Variants in GABRB1 observed in about 807,000 individuals in gnomAD.
GABRB1 encodes the protein gamma-aminobutyric acid receptor subunit beta-1.
A neutral mutation model predicts 51.6 loss-of-function variants in GABRB1; 17 were observed. That is an observed-to-expected ratio of 0.33 (90% CI 0.23 to 0.49). GABRB1 has a LOEUF of 0.49. GABRB1 is among the 20% of genes least tolerant of loss of function. GABRB1 has a pLI of 0.99. For missense variants in GABRB1, 410 were observed against 600.6 expected (o/e 0.68, Z 3.32); for synonymous variants, 247 against 218.9 (o/e 1.13, Z -1.14).
At chr4:47,205,740 A>G (rs1720091722) in intron 4 of GABRB1, among the ~76,000 whole-genome samples, 1 of 151,966 alleles carries the variant, frequency 6.6e-6, no homozygotes, top group Non-Finnish European at 1.5e-5. Context: ...CTGAGTCAAG[A>G]AAGAGCTTCT....
At chr4:47,036,693 G>A (rs1238357487) in intron 3 of GABRB1, among the ~76,000 whole-genome samples, 2 of 151,916 alleles carry the variant, frequency 1.3e-5, no homozygotes, top group Non-Finnish European at 2.9e-5. Context: ...GAAACCCCAT[G>A]TCTACCAAAA....
chr4:47,331,358 C>T (rs1013195721), intron 5 of GABRB1, among the ~76,000 whole-genome samples: 7 of 152,006 alleles, frequency 4.6e-5, no homozygotes, highest in Non-Finnish European at 1.0e-4. Context: ...AAATAAAAGC[C>T]AGTGGGGGAA....
intron 5 of GABRB1, among the ~76,000 whole-genome samples, chr4:47,397,217 T>A (rs1728207455): frequency 6.6e-6 from 1 of 152,234 alleles, no homozygotes; most frequent in South Asian, 2.1e-4. Context: ...GCCAGTAGTA[T>A]AAAATAATTC....
chr4:47,138,125 G>C (rs1716755221), intron 3 of GABRB1, among the ~76,000 whole-genome samples: 1 of 151,996 alleles, frequency 6.6e-6, no homozygotes, highest in South Asian at 2.1e-4. Context: ...ACAAAAAATT[G>C]ATGGGACTCT....
intron 5 of GABRB1, among the ~76,000 whole-genome samples, chr4:47,381,345 C>T (rs1005199891): frequency 4.6e-5 from 7 of 152,192 alleles, no homozygotes; most frequent in African/African-American, 1.7e-4. Flanking sequence ...CCACTCAACT[C>T]TCTGCACCAG....
At chr4:47,146,311 T>C (rs764510428) in intron 3 of GABRB1, among the ~76,000 whole-genome samples, 2 of 151,986 alleles carry the variant, frequency 1.3e-5, no homozygotes, top group South Asian at 2.1e-4. Context: ...TTTTTCCCCC[T>C]CTCTCTCCCC....
At chr4:47,229,444 T>C (rs1721061858) in intron 4 of GABRB1, among the ~76,000 whole-genome samples, 1 of 152,160 alleles carries the variant, frequency 6.6e-6, no homozygotes, top group African/African-American at 2.4e-5. Context: ...AATTCTGTAA[T>C]TATTCCTAGT....
chr4:46,999,654 A>G (rs150820772), intron 1 of GABRB1, among the ~76,000 whole-genome samples: 7 of 152,348 alleles, frequency 4.6e-5, no homozygotes, highest in African/African-American at 1.7e-4. Context: ...AGCTGAAGAG[A>G]CCAGTGACTG....
chr4:47,012,446 G>C (rs1038076751), intron 1 of GABRB1, among the ~76,000 whole-genome samples: 2 of 152,038 alleles, frequency 1.3e-5, no homozygotes, highest in Admixed American at 6.6e-5. Context: ...AGAACATGTG[G>C]TATTTGGTTT....
chr4:47,314,961 T>G (rs1172952431), intron 4 of GABRB1, among the ~76,000 whole-genome samples: 1 of 151,820 alleles, frequency 6.6e-6, no homozygotes, highest in East Asian at 1.9e-4. Context: ...GGACAGAGGA[T>G]CTGGCAAAGA....
At chr4:47,314,220 A>G (rs1301040753) in intron 4 of GABRB1, among the ~76,000 whole-genome samples, 2 of 152,046 alleles carry the variant, frequency 1.3e-5, no homozygotes, top group Admixed American at 6.6e-5. Flanking sequence ...TATATTCCTT[A>G]TAACTATTGA....
At chr4:47,246,856 C>T (rs1345641147) in intron 4 of GABRB1, among the ~76,000 whole-genome samples, 1 of 151,936 alleles carries the variant, frequency 6.6e-6, no homozygotes, top group Non-Finnish European at 1.5e-5. Context: ...ATGTCCTTAG[C>T]CCACTTTTTG....
At position 47,102,289 on chromosome 4, in the gene GABRB1, A is replaced by G. The variant is rs540992818; in HGVS notation, c.241-58960A>G. ...ATTAGGTGTTATTCAAGCACAAGCC[A>G]TTAGCAACAAATAGCCACAGGATGC... On this transcript the variant is annotated intron_variant, in intron 3 of 8. Coordinates refer to ENST00000295454, the MANE Select transcript of GABRB1 (RefSeq NM_000812.4). Among the ~76,000 whole-genome samples the G allele has an allele frequency of 8.5e-5, 13 of 152,122 alleles. No individual in the cohort carries two copies. In the South Asian group the frequency reaches 2.7e-3, roughly 32 times the overall value.
chr4:47,007,644 G>A (rs747181894), intron 1 of GABRB1, among the ~76,000 whole-genome samples: 1 of 152,010 alleles, frequency 6.6e-6, no homozygotes, highest in Non-Finnish European at 1.5e-5. Flanking sequence ...AATGAAGAAT[G>A]TCAACGAATA....
chr4:47,350,218 T>TAGAGAGAGAGAGAGAGAGAGAG (rs59905765), intron 5 of GABRB1, among the ~76,000 whole-genome samples: 1 of 56,638 alleles, frequency 1.8e-5, no homozygotes, highest in African/African-American at 8.1e-5. Context: ...TATATATATA[T>TAGAGAGAGAGAGAGAGAGAGAG]AGAGAGAGAG....
intron 8 of GABRB1, among the ~76,000 whole-genome samples, chr4:47,410,039 T>C (rs1345585179): frequency 2.0e-5 from 3 of 152,250 alleles, no homozygotes; most frequent in African/African-American, 7.2e-5. Context: ...TTAAATGTGG[T>C]AAGAATTCAT....
At chr4:47,339,802 A>G (rs1725818337) in intron 5 of GABRB1, among the ~76,000 whole-genome samples, 1 of 147,412 alleles carries the variant, frequency 6.8e-6, no homozygotes, top group Non-Finnish European at 1.5e-5. Flanking sequence ...GGTTGTTTTC[A>G]TAGAGCAAAA....
chr4:47,090,713 A>C (rs1392112695), intron 3 of GABRB1, among the ~76,000 whole-genome samples: 1 of 152,202 alleles, frequency 6.6e-6, no homozygotes, highest in African/African-American at 2.4e-5. Flanking sequence ...ACTACATTAA[A>C]GGTGTGGACA....
chr4:47,216,026 T>A (rs1720544930), intron 4 of GABRB1, among the ~76,000 whole-genome samples: 1 of 152,036 alleles, frequency 6.6e-6, no homozygotes, highest in East Asian at 1.9e-4. Flanking sequence ...CAGATGGGAT[T>A]GGAATACATT....
Sources: gnomAD v4.1 joint callset for allele counts (sites outside exome capture counted in the v4.1 genomes callset) on GRCh38, gnomAD v4.1.1 for gene constraint, MANE v1.5 for transcripts, NCBI Gene and HGNC (gene_info 2026-07-23, HGNC 2026-07-21) for gene names.